Variants in RBM47 observed in about 807,000 individuals in gnomAD.
RBM47 encodes RNA-binding protein 47.
In RBM47, 21 loss-of-function variants were observed where a neutral mutation model predicts 47.1. The observed-to-expected ratio is 0.45, with a 90% CI of 0.32 to 0.64. The LOEUF is 0.64. Among genes scored for constraint, RBM47 ranks in the 30% least tolerant of loss-of-function variants. The pLI is 0.05. For synonymous variants in RBM47, 375 were observed against 361.7 expected (o/e 1.04, Z -0.42); for missense variants, 708 against 870.9 (o/e 0.81, Z 2.35).
chr4:40,602,646 A>T lies in RBM47; in HGVS notation c.-240+26750T>A, dbSNP rs78692029. Among the ~76,000 whole-genome samples the T allele has an allele frequency of 4.9e-3, 456 of 92,944 alleles. 2 individuals carry two copies. The highest frequency in any genetic ancestry group is 6.3e-3 in the Non-Finnish European group (319 of 50,248). 61.0% of individuals were successfully genotyped at this position (92,944 alleles called of 152,430 possible). On this transcript the variant is annotated intron_variant, in intron 1 of 6. Transcript: ENST00000295971. ...CTGGCGACAGAGTGAGAATCCGTTT[A>T]AAAAAAAAAAAAAAAAAAGGAATAT...
At chr4:40,484,848 T>C (rs1274236706) in intron 2 of RBM47, among the ~76,000 whole-genome samples, 2 of 152,196 alleles carry the variant, frequency 1.3e-5, no homozygotes, top group Non-Finnish European at 2.9e-5. Flanking sequence ...CTTCAGCATT[T>C]CTTCTTTTCT....
At chr4:40,619,576 CA>C (rs1186584000) in intron 1 of RBM47, among the ~76,000 whole-genome samples, 1 of 152,162 alleles carries the variant, frequency 6.6e-6, no homozygotes, top group Non-Finnish European at 1.5e-5. Flanking sequence ...TGCACTGTTG[CA>C]AGGTCGGCCT....
At position 40,623,904 on chromosome 4, in the gene RBM47, T is replaced by G. The variant is rs150072466; in HGVS notation, c.-240+5492A>C. Among the ~76,000 whole-genome samples the G allele has an allele frequency of 1.8e-3, 277 of 152,068 alleles. 2 individuals are homozygous for G. The highest frequency in any genetic ancestry group is 6.3e-3 in the African/African-American group (261 of 41,450). Reference sequence around the variant, plus strand: ...GAGTCTTGCCCTGTCAAGGCTGGAGTGCAGTGACGCAATCTCGGCTCACTG... The same window carrying G: ...GAGTCTTGCCCTGTCAAGGCTGGAGGGCAGTGACGCAATCTCGGCTCACTG... On this transcript the variant is annotated intron_variant, in intron 1 of 6. Coordinates refer to ENST00000295971, the MANE Select transcript of RBM47 (RefSeq NM_001098634.2).
intron 1 of RBM47, among the ~76,000 whole-genome samples, chr4:40,550,248 T>C (rs1167222728): frequency 6.6e-6 from 1 of 152,202 alleles, no homozygotes; most frequent in Admixed American, 6.5e-5. Flanking sequence ...AGGTAAAATG[T>C]TCTCAACGAT....
At chr4:40,528,377 G>A (rs1277218569) in intron 2 of RBM47, among the ~76,000 whole-genome samples, 1 of 150,024 alleles carries the variant, frequency 6.7e-6, no homozygotes, top group Non-Finnish European at 1.5e-5. Context: ...CCACTGTACT[G>A]CAGCCTGGCG....
chr4:40,452,834 T>G (rs968217760), intron 3 of RBM47, among the ~76,000 whole-genome samples: 2 of 140,136 alleles, frequency 1.4e-5, no homozygotes, highest in African/African-American at 5.3e-5. Flanking sequence ...GGACTGTGAT[T>G]TCCTTCTTTT....
intron 2 of RBM47, among the ~76,000 whole-genome samples, chr4:40,526,872 A>G (rs1056185435): frequency 6.7e-6 from 1 of 148,606 alleles, no homozygotes; most frequent in Non-Finnish European, 1.5e-5. Flanking sequence ...ATAAACAGAC[A>G]ACAGACCACA....
intron 1 of RBM47, among the ~76,000 whole-genome samples, chr4:40,604,768 G>A (rs1735603656): frequency 1.3e-5 from 2 of 152,140 alleles, no homozygotes; most frequent in Admixed American, 1.3e-4. Flanking sequence ...CCAGGCTGGA[G>A]TACAGTGGTG....
At chr4:40,609,766 T>C (rs1221036698) in intron 1 of RBM47, among the ~76,000 whole-genome samples, 3 of 150,882 alleles carry the variant, frequency 2.0e-5, no homozygotes, top group Admixed American at 2.0e-4. Flanking sequence ...AAATGGTAAC[T>C]AACTACCTGC....
chr4:40,437,562 C>A (rs1712840305), intron 4 of RBM47, among the ~76,000 whole-genome samples: 1 of 152,302 alleles, frequency 6.6e-6, no homozygotes, highest in Admixed American at 6.5e-5. Flanking sequence ...CCGCTCACCC[C>A]AGAACGATCT....
intron 1 of RBM47, among the ~76,000 whole-genome samples, chr4:40,583,871 CAAAAAACAAAAAACA>C (rs1560486634): frequency 1.9e-5 from 1 of 51,346 alleles, no homozygotes; most frequent in Non-Finnish European, 4.3e-5. Context: ...AAAAAAAAAA[CAAAAAACAAAAAACA>C]AAAAAACCAA....
At chr4:40,449,989 C>A (rs1715166757) in intron 3 of RBM47, among the ~76,000 whole-genome samples, 1 of 152,120 alleles carries the variant, frequency 6.6e-6, no homozygotes. Context: ...GCCTTGTTCC[C>A]TTTAAATAAG....
intron 1 of RBM47, among the ~76,000 whole-genome samples, chr4:40,582,449 G>A (rs534034656): frequency 1.1e-4 from 16 of 152,244 alleles, no homozygotes; most frequent in East Asian, 3.9e-4. Context: ...CAGGAGAATC[G>A]CTTCAACCCA....
chr4:40,436,539 T>C lies in RBM47; in HGVS notation c.1232A>G (p.Tyr411Cys). Residue 411 changes from tyrosine (Y) to cysteine (C), a missense_variant, in exon 5 of 7, where the codon TAT becomes TGT. Coordinates refer to ENST00000295971, the MANE Select transcript of RBM47 (RefSeq NM_001098634.2). ...TTGCTGCTTTCCTTTCCCTTCATGA[T>C]ATCGGCTATATATACCACGACCAGC... ...YSAGRGIYSR[Y>C]HEGKGKQQEK... 1.2e-6 allele frequency: 2 copies of C among 1,614,188 alleles called. No individual in the cohort carries two copies. Among genetic ancestry groups the C allele is most frequent in the Non-Finnish European group, 1.7e-6 (2 of 1,180,020 alleles).
At chr4:40,459,391 C>T (rs766721437) in intron 3 of RBM47, among the ~76,000 whole-genome samples, 41 of 151,990 alleles carry the variant, frequency 2.7e-4, no homozygotes, top group Non-Finnish European at 4.7e-4. Context: ...ATTTTTTTCA[C>T]GTATCTATTT....
intron 2 of RBM47, among the ~76,000 whole-genome samples, chr4:40,473,933 A>G (rs1186659144): frequency 6.6e-6 from 1 of 152,212 alleles, no homozygotes; most frequent in Non-Finnish European, 1.5e-5. Flanking sequence ...GAATCTTTAC[A>G]TATGATTCAC....
intron 2 of RBM47, among the ~76,000 whole-genome samples, chr4:40,482,521 C>T (rs980140065): frequency 3.9e-5 from 6 of 151,978 alleles, no homozygotes; most frequent in Admixed American, 1.3e-4. Flanking sequence ...TCCAAAGTGC[C>T]GGGATTACAG....
intron 1 of RBM47, among the ~76,000 whole-genome samples, chr4:40,574,336 C>T (rs967658700): frequency 6.6e-6 from 1 of 152,288 alleles, no homozygotes; most frequent in South Asian, 2.1e-4. Context: ...GAAATAAAGA[C>T]TTTTATTTGT....
chr4:40,439,716 A>G (rs1713325937), intron 3 of RBM47, among the ~76,000 whole-genome samples: 1 of 152,196 alleles, frequency 6.6e-6, no homozygotes, highest in African/African-American at 2.4e-5. Context: ...ACCTCTGTAT[A>G]TGGTACATGG....
Sources: allele counts gnomAD v4.1 joint callset (sites outside exome capture counted in the v4.1 genomes callset), GRCh38; gene constraint gnomAD v4.1.1; transcripts MANE v1.5; gene names NCBI Gene and HGNC (gene_info 2026-07-23, HGNC 2026-07-21).